OR6N1: variants seen among roughly 807,000 people sequenced by gnomAD.
OR6N1 encodes olfactory receptor 6N1.
For synonymous variants in OR6N1, 170 were observed against 150.7 expected (o/e 1.13, Z -0.94); for missense variants, 394 against 371.7 (o/e 1.06, Z -0.49).
In OR6N1 at chr1:158,765,565, T is replaced by C. The variant is rs115014611; in HGVS notation, c.*179A>G. On this transcript the variant is annotated 3_prime_UTR_variant, in exon 2 of 2. Transcript: ENST00000641846. ...CCCTAGTCTCTGGTCTCAAGCCAAATGTGGCTCCAGCAGACAGTATGAAGG... is the reference window on the plus strand; with the variant it reads ...CCCTAGTCTCTGGTCTCAAGCCAAACGTGGCTCCAGCAGACAGTATGAAGG... 698 of 571,786 alleles carry C rather than the reference T, an allele frequency of 1.2e-3. 5 individuals carry two copies. Among genetic ancestry groups the C allele is most frequent in the African/African-American group, 0.011 (576 of 53,820 alleles). 35.4% of individuals were successfully genotyped at this position (571,786 alleles called of 1,614,324 possible).
chr1:158,803,921 A>G, the OR6N1 span, among the ~76,000 whole-genome samples: 2 of 152,182 alleles, frequency 1.3e-5, no homozygotes, highest in East Asian at 3.9e-4. Flanking sequence ...AGGGAAAATG[A>G]CAAGTTCTGG....
At position 158,766,365 on chromosome 1, in the gene OR6N1, G is replaced by A. The variant is rs549155175; in HGVS notation, c.318C>T (p.Ser106=). ...GCLLQIYFFH[S]LGATECYLLT... ...GGAGATAGCACTCAGTCGCTCCAAG[G>A]GAGTGAAAGAAATAGATCTGCAGGA... is the stretch of plus-strand genomic sequence containing the variant. The change falls in exon 2 of 2, where the codon TCC becomes TCT. Residue 106 remains serine (S), a synonymous_variant. Transcript: ENST00000641846. 3.1e-6 allele frequency: 5 copies of A among 1,614,098 alleles called. No individual in the cohort carries two copies. In the South Asian group the frequency reaches 5.5e-5, roughly 18 times the overall value.
the OR6N1 span, among the ~76,000 whole-genome samples, chr1:158,810,495 G>T: frequency 3.3e-5 from 5 of 152,188 alleles, no homozygotes; most frequent in Non-Finnish European, 7.3e-5. Context: ...GGGGCAAGCA[G>T]TTGTGCAAAA....
At chr1:158,821,180 T>G in the OR6N1 span, among the ~76,000 whole-genome samples, 1 of 152,164 alleles carries the variant, frequency 6.6e-6, no homozygotes, top group Non-Finnish European at 1.5e-5. Context: ...CAGTTTTAGA[T>G]TTACAGCAAA....
chr1:158,795,852 C>T, the OR6N1 span, among the ~76,000 whole-genome samples: 5 of 152,206 alleles, frequency 3.3e-5, no homozygotes, highest in Admixed American at 3.3e-4. Context: ...CACACTACTT[C>T]TTTCACAGAG....
At position 158,766,300 on chromosome 1, in the gene OR6N1, C is replaced by T. The variant is rs201930900; in HGVS notation, c.383G>A (p.Arg128Gln). ...MAYDRYLAIC[R>Q]PLHYPTLMTP... ...CATGAGGGTTGGGTAGTGGAGGGGC[C>T]GGCAGATGGCTAAATACCTATCGTA... Residue 128 changes from arginine (R) to glutamine (Q), a missense_variant, in exon 2 of 2, where the codon CGG becomes CAG. Transcript: ENST00000641846. 15 of 1,613,856 alleles carry T rather than the reference C, an allele frequency of 9.3e-6. No homozygotes were observed. The highest frequency in any genetic ancestry group is 5.3e-5 in the African/African-American group (4 of 74,946).
At chr1:158,800,242 C>T in the OR6N1 span, among the ~76,000 whole-genome samples, 2 of 152,020 alleles carry the variant, frequency 1.3e-5, no homozygotes, top group Admixed American at 1.3e-4. Flanking sequence ...TTGCTCAAAG[C>T]AAGTCTTCAA....
At chr1:158,834,310 G>T in the OR6N1 span, among the ~76,000 whole-genome samples, 1 of 146,410 alleles carries the variant, frequency 6.8e-6, no homozygotes, top group Admixed American at 7.0e-5. Flanking sequence ...TCGACTCACT[G>T]CAAGCTCCGC....
chr1:158,775,699 C>T (rs961744891), upstream of OR6N1: 3 of 151,698 alleles, frequency 2.0e-5, no homozygotes, highest in Non-Finnish European at 4.4e-5. Flanking sequence ...GGTAGAAACA[C>T]TAAAGAGTAT....
upstream of OR6N1, chr1:158,776,142 G>A (rs1360281130): frequency 6.6e-6 from 1 of 152,256 alleles, no homozygotes; most frequent in East Asian, 1.9e-4. Context: ...ATGATGTCAT[G>A]AGAGTTAGGG....
the OR6N1 span, among the ~76,000 whole-genome samples, chr1:158,808,231 G>A: frequency 2.1e-5 from 3 of 143,956 alleles, no homozygotes; most frequent in Non-Finnish European, 3.0e-5. Flanking sequence ...TCCGCCTCCC[G>A]GGTTCACGCC....
At chr1:158,799,522 A>T in the OR6N1 span, among the ~76,000 whole-genome samples, 1 of 152,166 alleles carries the variant, frequency 6.6e-6, no homozygotes, top group South Asian at 2.1e-4. Flanking sequence ...ACATGATTAG[A>T]TCCTCTTGGT....
upstream of OR6N1, chr1:158,776,460 TA>T (rs981141502): frequency 2.6e-6 from 1 of 386,792 alleles, no homozygotes; most frequent in Non-Finnish European, 4.6e-6. Flanking sequence ...TGCTTTTTTT[TA>T]AAAAAAGAAG....
At chr1:158,835,632 T>G in the OR6N1 span, among the ~76,000 whole-genome samples, 195 of 86,804 alleles carry the variant, frequency 2.2e-3, no homozygotes, top group Middle Eastern at 0.016. Flanking sequence ...GGGGGGTGGG[T>G]GTTAAACCCT....
chr1:158,825,435 T>C, the OR6N1 span, among the ~76,000 whole-genome samples: 1 of 144,140 alleles, frequency 6.9e-6, no homozygotes, highest in African/African-American at 2.6e-5. Flanking sequence ...TGAGATTCCA[T>C]CTCAAAAAAA....
chr1:158,795,444 C>G, the OR6N1 span, among the ~76,000 whole-genome samples: 1 of 152,140 alleles, frequency 6.6e-6, no homozygotes, highest in East Asian at 1.9e-4. Context: ...TGGTTCTGGC[C>G]ACTGTGGTTC....
chr1:158,770,102 T>C (rs1197822356), intron 1 of OR6N1, among the ~76,000 whole-genome samples: 1 of 152,214 alleles, frequency 6.6e-6, no homozygotes, highest in African/African-American at 2.4e-5. Flanking sequence ...ATGAGTTGTC[T>C]AGACTGTGAG....
the OR6N1 span, among the ~76,000 whole-genome samples, chr1:158,838,901 T>C: frequency 3.9e-5 from 6 of 152,312 alleles, no homozygotes; most frequent in South Asian, 1.2e-3. Flanking sequence ...CAATGTGTTT[T>C]TCAGCTTCAG....
chr1:158,830,328 C>A, the OR6N1 span, among the ~76,000 whole-genome samples: 17 of 152,242 alleles, frequency 1.1e-4, 1 homozygote, highest in South Asian at 3.1e-3. Context: ...CTGATTTACC[C>A]TGCTTTAGTG....
Sources: allele counts gnomAD v4.1 joint callset (sites outside exome capture counted in the v4.1 genomes callset), GRCh38; gene constraint gnomAD v4.1.1; transcripts MANE v1.5; gene names NCBI Gene and HGNC (gene_info 2026-07-23, HGNC 2026-07-21).